The following LRGUK variants were observed in gnomAD, a reference collection of about 807,000 sequenced individuals.
LRGUK encodes the protein leucine rich repeats and guanylate kinase domain containing, also known as leucine-rich repeat and guanylate kinase domain-containing protein.
LRGUK carries 65 observed loss-of-function variants against 76.0 expected under a neutral mutation model. The observed-to-expected ratio is 0.85, with a 90% CI of 0.70 to 1.05. LRGUK has a LOEUF of 1.05. LRGUK is among the 50% of genes least tolerant of loss of function. The pLI is 0.00. For missense variants in LRGUK, 758 were observed against 732.8 expected, an observed-to-expected ratio of 1.03 and a Z score of -0.40; for synonymous variants, 268 against 265.6, an observed-to-expected ratio of 1.01 and a Z score of -0.09.
chr7:134,217,249 C>T (rs1801460118), intron 15 of LRGUK, among the ~76,000 whole-genome samples: 2 of 151,114 alleles, frequency 1.3e-5, no homozygotes, highest in African/African-American at 4.9e-5. Context: ...CATTAGTTCA[C>T]CTCCACTGAA....
chr7:134,196,868 A>T (rs1439012021), intron 12 of LRGUK, 124 bp from the exon 13 acceptor site: 2 of 572,602 alleles, frequency 3.5e-6, no homozygotes, highest in Non-Finnish European at 6.2e-6. Context: ...TGTCATCCTT[A>T]TATAGTTGCT....
chr7:134,248,239 C>T (rs1225328131), intron 17 of LRGUK, among the ~76,000 whole-genome samples: 1 of 152,164 alleles, frequency 6.6e-6, no homozygotes, highest in Non-Finnish European at 1.5e-5. Context: ...GACCACTGCC[C>T]AGCAGAATGC....
intron 12 of LRGUK, among the ~76,000 whole-genome samples, chr7:134,196,503 CCTGTAATTCATGGCCTCCCAGAATTAT>C: frequency 6.6e-6 from 1 of 152,196 alleles, no homozygotes; most frequent in South Asian, 2.1e-4. Context: ...TTAGGATGTC[CCTGTAATTCATGGCCTCCCAGAATTAT>C]CTGTAATTCA....
intron 11 of LRGUK, among the ~76,000 whole-genome samples, chr7:134,191,251 G>T (rs2117051392): frequency 6.6e-6 from 1 of 152,298 alleles, no homozygotes; most frequent in East Asian, 1.9e-4. Context: ...ACTGAGTTCT[G>T]AGAAACAAGT....
At chr7:134,265,412 G>A (rs1239181700), downstream of LRGUK, among the ~76,000 whole-genome samples, 1 of 152,226 alleles carries the variant, frequency 6.6e-6, no homozygotes, top group African/African-American at 2.4e-5. Context: ...CAACATGGTG[G>A]TGAATCCTCT....
intron 12 of LRGUK, among the ~76,000 whole-genome samples, chr7:134,193,163 C>G (rs912338963): frequency 6.6e-6 from 1 of 152,126 alleles, no homozygotes; most frequent in Non-Finnish European, 1.5e-5. Flanking sequence ...CTAACTTTGT[C>G]AAAAGAACAT....
chr7:134,271,662 T>C, the LRGUK span, among the ~76,000 whole-genome samples: 1 of 152,138 alleles, frequency 6.6e-6, no homozygotes, highest in African/African-American at 2.4e-5. Flanking sequence ...AGGAGGTTTC[T>C]CTTTTTTTAT....
exon 16 of LRGUK, chr7:134,209,791 AGAG>A: frequency 2.5e-6 from 1 of 399,680 alleles, no homozygotes; most frequent in Non-Finnish European, 4.4e-6. Flanking sequence ...AAGTCCAGGA[AGAG>A]AAGGTCAGTG....
At chr7:134,221,743 A>T in intron 15 of LRGUK, 36 bp from the exon 16 acceptor site, 1 of 1,430,792 alleles carries the variant, frequency 7.0e-7, no homozygotes, top group Non-Finnish European at 9.2e-7. Flanking sequence ...TTCCTTTATG[A>T]CTTTTATTTT....
intron 15 of LRGUK, among the ~76,000 whole-genome samples, chr7:134,219,970 T>C (rs79017761): frequency 0.027 from 4,182 of 152,248 alleles, 137 homozygotes; most frequent in African/African-American, 0.078. Context: ...ACACTTGTCG[T>C]TACTTGATAT....
chr7:134,252,345 A>G (rs1802468621), intron 18 of LRGUK, among the ~76,000 whole-genome samples: 1 of 116,574 alleles, frequency 8.6e-6, no homozygotes, highest in Admixed American at 9.1e-5. Context: ...TAGATAATTA[A>G]ATTAAATTAA....
intron 16 of LRGUK, among the ~76,000 whole-genome samples, chr7:134,232,184 C>T (rs1698446861): frequency 6.6e-6 from 1 of 152,158 alleles, no homozygotes; most frequent in African/African-American, 2.4e-5. Context: ...CCCTAGCCCT[C>T]TTACTACTAC....
At chr7:134,220,054 C>T (rs1801545001) in intron 15 of LRGUK, among the ~76,000 whole-genome samples, 1 of 152,136 alleles carries the variant, frequency 6.6e-6, no homozygotes, top group Admixed American at 6.5e-5. Flanking sequence ...TTATTTACTG[C>T]TGTATCCCCA....
intron 1 of LRGUK, 149 bp downstream of exon 1, chr7:134,127,813 T>C (rs185050988): frequency 2.4e-6 from 2 of 838,220 alleles, no homozygotes; most frequent in Admixed American, 2.9e-5. Flanking sequence ...TCCCCCTCTT[T>C]TCTTCCCCTG....
intron 4 of LRGUK, among the ~76,000 whole-genome samples, chr7:134,145,493 C>G (rs184587479): frequency 6.6e-6 from 1 of 152,148 alleles, no homozygotes; most frequent in Non-Finnish European, 1.5e-5. Flanking sequence ...CTGATCTGCC[C>G]GCCTTGGCCT....
At chr7:134,186,333 A>G (rs1239749743) in intron 11 of LRGUK, among the ~76,000 whole-genome samples, 2 of 152,194 alleles carry the variant, frequency 1.3e-5, no homozygotes, top group Non-Finnish European at 2.9e-5. Context: ...TTCCCTAATT[A>G]GAATGCTTAT....
chr7:134,183,867 T>C lies in LRGUK; in HGVS notation c.1334+14T>C. ...CTTCAGATATGGGTAAGTTTGTTTA[T>C]TGGCTTGTTAAGACTTGGAAATTCA... On this transcript the variant is annotated intron_variant, in intron 11 of 15. Coordinates refer to ENST00000645682, the Ensembl canonical transcript of LRGUK. 3 of 1,613,406 alleles carry C rather than the reference T, an allele frequency of 1.9e-6. No homozygotes were observed. Among genetic ancestry groups the C allele is most frequent in the Middle Eastern group, 1.7e-4 (1 of 6,052 alleles).
chr7:134,200,831 C>A (rs543442660), intron 14 of LRGUK, among the ~76,000 whole-genome samples: 10 of 152,294 alleles, frequency 6.6e-5, no homozygotes, highest in Admixed American at 6.5e-4. Flanking sequence ...GATTAGAAGT[C>A]TGGTACAGCA....
chr7:134,256,966 T>A (rs951448756), intron 18 of LRGUK, among the ~76,000 whole-genome samples: 2 of 152,084 alleles, frequency 1.3e-5, no homozygotes, highest in Admixed American at 6.5e-5. Context: ...GTTAAGAGTG[T>A]AAACAATCTT....
Sources: gnomAD v4.1 joint callset for allele counts (sites outside exome capture counted in the v4.1 genomes callset) on GRCh38, gnomAD v4.1.1 for gene constraint, MANE v1.5 for transcripts, NCBI Gene and HGNC (gene_info 2026-07-23, HGNC 2026-07-21) for gene names.